BTBD1: variants seen among roughly 807,000 people sequenced by gnomAD.
BTBD1 encodes BTB/POZ domain-containing protein 1.
Under a neutral mutation model 48.0 loss-of-function variants are expected in BTBD1, and 34 were observed. The ratio of observed to expected loss-of-function variants is 0.71; its 90% CI spans 0.54 to 0.94. BTBD1 has a LOEUF of 0.94. BTBD1 is among the 40% of genes least tolerant of loss of function. BTBD1 has a pLI of 0.00. For missense variants in BTBD1, 543 were observed against 625.6 expected, an observed-to-expected ratio of 0.87 and a Z score of 1.41; for synonymous variants, 261 against 242.1, an observed-to-expected ratio of 1.08 and a Z score of -0.72.
chr15:83,039,617 T>C (rs2032704014), intron 4 of BTBD1, among the ~76,000 whole-genome samples: 1 of 151,482 alleles, frequency 6.6e-6, no homozygotes, highest in African/African-American at 2.4e-5. Context: ...TACCAAAAAA[T>C]ACAAAAATTA....
chr15:83,066,274 T>C (rs950445614), intron 1 of BTBD1, among the ~76,000 whole-genome samples: 3 of 152,084 alleles, frequency 2.0e-5, no homozygotes, highest in Non-Finnish European at 2.9e-5. Context: ...CATTCCAGCC[T>C]GGGCAACAGA....
intron 5 of BTBD1, among the ~76,000 whole-genome samples, chr15:83,028,013 A>C (rs151241442): frequency 1.9e-3 from 290 of 152,362 alleles, no homozygotes; most frequent in African/African-American, 6.7e-3. Flanking sequence ...AAATGTATAA[A>C]GCATATTATC....
chr15:83,058,702 T>C (rs1339455798), intron 1 of BTBD1, among the ~76,000 whole-genome samples: 3 of 152,182 alleles, frequency 2.0e-5, no homozygotes, highest in African/African-American at 7.2e-5. Context: ...TGTATTTTTG[T>C]CAGGTAAAAA....
intron 1 of BTBD1, among the ~76,000 whole-genome samples, 167 bp downstream of exon 1, chr15:83,066,584 C>T (rs1413490837): frequency 6.6e-6 from 1 of 152,108 alleles, no homozygotes; most frequent in African/African-American, 2.4e-5. Context: ...ATTTCGATTT[C>T]GACCCTCCGG....
chr15:83,039,303 A>T (rs2032693181), intron 4 of BTBD1, among the ~76,000 whole-genome samples: 10 of 152,266 alleles, frequency 6.6e-5, no homozygotes. Context: ...TCATCAGAGA[A>T]ATGCAAATCC....
At position 83,041,937 on chromosome 15, in the gene BTBD1, AT is replaced by A. The variant is rs753755088; in HGVS notation, c.665-13del. 6.2e-7 allele frequency: 1 copy of A among 1,611,036 alleles called. No individual in the cohort carries two copies. The highest frequency in any genetic ancestry group is 1.1e-5 in the South Asian group (1 of 90,974). On this transcript the variant is annotated splice_polypyrimidine_tract_variant and intron_variant, in intron 3 of 7. Coordinates refer to ENST00000261721, the MANE Select transcript of BTBD1 (RefSeq NM_025238.4). Reference sequence around the variant, plus strand: ...TGCACAGAGTGTATCTATAGGCAAAATACAAAATAAACCCAATTAGAAATAT... The same window carrying A: ...TGCACAGAGTGTATCTATAGGCAAAAACAAAATAAACCCAATTAGAAATAT...
At chr15:83,041,975 A>C in intron 3 of BTBD1, 50 bp from the exon 4 acceptor site, 2 of 1,525,664 alleles carry the variant, frequency 1.3e-6, no homozygotes, top group Non-Finnish European at 1.8e-6. Flanking sequence ...TTAGCTCTCT[A>C]ACCAAGCAAT....
At chr15:83,045,367 T>C (rs960151126) in intron 3 of BTBD1, among the ~76,000 whole-genome samples, 1 of 151,968 alleles carries the variant, frequency 6.6e-6, no homozygotes, top group African/African-American at 2.4e-5. Context: ...TGGTGGCAGG[T>C]GCCTGTGTAA....
chr15:83,046,848 T>A (rs1452646457), intron 3 of BTBD1, among the ~76,000 whole-genome samples: 1 of 152,124 alleles, frequency 6.6e-6, no homozygotes, highest in Non-Finnish European at 1.5e-5. Context: ...GTGCAATACA[T>A]CAACTAACAA....
In BTBD1 at chr15:83,041,891, G is replaced by A; in HGVS notation, c.699C>T (p.Leu233=). ...CAAAAAGTCGACTTTCTCGAATACT[G>A]AGTGTGTCTCTCTCTAAAACTGCAC... The part of the protein sequence containing the change: ...TLCAVLERDT[L]SIRESRLFGA... The change falls in exon 4 of 8, where the codon CTC becomes CTT. Residue 233 remains leucine, a synonymous_variant. Coordinates refer to ENST00000261721, the MANE Select transcript of BTBD1 (RefSeq NM_025238.4). The A allele has an allele frequency of 2.5e-6, 4 of 1,614,090 alleles. No individual in the cohort carries two copies. Among genetic ancestry groups the A allele is most frequent in the Non-Finnish European group, 3.4e-6 (4 of 1,180,008 alleles).
rs771743000 is a variant in BTBD1 at position 83,041,744 on chromosome 15, A to C, written c.846T>G (p.Ile282Met). 18 of 1,614,140 alleles carry C rather than the reference A, an allele frequency of 1.1e-5. No homozygotes were observed. The East Asian group carries it at 4.0e-4, about 36-fold the overall frequency. Residue 282 changes from isoleucine (I) to methionine (M), a missense_variant, in exon 4 of 8, where the codon ATT becomes ATG. This residue lies in a region of BTBD1 where 300 missense variants were observed against 350.0 expected (regional missense o/e 0.86). Transcript: ENST00000261721. ...LSLIRFPLMTIEEFAAGPAQS... is the reference protein window; with the variant it reads ...LSLIRFPLMTMEEFAAGPAQS... ...TACCCTTACCTGCTGCAAATTCCTC[A>C]ATTGTCATCAGTGGGAACCGGATTA...
chr15:83,022,861 T>C (rs2032327903), intron 5 of BTBD1, among the ~76,000 whole-genome samples: 1 of 151,740 alleles, frequency 6.6e-6, no homozygotes. Context: ...CTCAGGAGGC[T>C]GAAGCAGGAG....
At position 83,067,165 on chromosome 15, in the gene BTBD1, G is replaced by A. The variant is rs771904473; in HGVS notation, c.-14C>T. On this transcript the variant is annotated 5_prime_UTR_variant, in exon 1 of 8. Transcript: ENST00000261721. ...GAGTGAGGCCATCCTCCAGCTGCGC[G>A]GTTGCCCACGTTATGGACAAAACTC... is the stretch of plus-strand genomic sequence containing the variant. The A allele has an allele frequency of 1.4e-6, 2 of 1,414,358 alleles. No individual in the cohort carries two copies. The highest frequency in any genetic ancestry group is 3.3e-5 in the Admixed American group (1 of 30,118). 87.6% of individuals were successfully genotyped at this position (1,414,358 alleles called of 1,614,324 possible).
chr15:83,023,672 G>A (rs1385197505), intron 5 of BTBD1, among the ~76,000 whole-genome samples: 2 of 152,120 alleles, frequency 1.3e-5, no homozygotes, highest in African/African-American at 4.8e-5. Context: ...TTACAGGTGT[G>A]AGCCACCACA....
At chr15:83,021,764 A>AATAATCATC (rs1555438324) in intron 5 of BTBD1, among the ~76,000 whole-genome samples, 4 of 150,942 alleles carry the variant, frequency 2.7e-5, no homozygotes, top group African/African-American at 9.7e-5. Flanking sequence ...TAATAATAAT[A>AATAATCATC]ATAATACATA....
chr15:83,035,236 G>A (rs1349379565), intron 4 of BTBD1, among the ~76,000 whole-genome samples: 1 of 152,170 alleles, frequency 6.6e-6, no homozygotes, highest in African/African-American at 2.4e-5. Context: ...GGAGGTTACA[G>A]TGAGCCAAGA....
At chr15:83,032,602 T>C (rs1007279170) in intron 4 of BTBD1, among the ~76,000 whole-genome samples, 2 of 152,176 alleles carry the variant, frequency 1.3e-5, no homozygotes, top group South Asian at 2.1e-4. Flanking sequence ...TTGGAGGCCA[T>C]TATTCTAAGT....
intron 3 of BTBD1, chr15:83,044,882 C>G (rs1023412705): frequency 1.5e-6 from 1 of 679,856 alleles, no homozygotes; most frequent in African/African-American, 1.8e-5. Context: ...TTATCTTTAT[C>G]ACAAACGTTT....
chr15:83,030,500 G>C (rs2032495676), intron 4 of BTBD1, 172 bp from the exon 5 acceptor site: 2 of 575,508 alleles, frequency 3.5e-6, no homozygotes, highest in Non-Finnish European at 6.1e-6. Flanking sequence ...ATCCATTTGA[G>C]GTTAAACACA....
Sources: gnomAD v4.1 joint callset for allele counts (sites outside exome capture counted in the v4.1 genomes callset) on GRCh38, gnomAD v4.1.1 for gene constraint, gnomAD v4.1.1 regional missense constraint, MANE v1.5 for transcripts, NCBI Gene and HGNC (gene_info 2026-07-23, HGNC 2026-07-21) for gene names.